The following SORCS3 variants were observed in gnomAD, a reference collection of about 807,000 sequenced individuals.
SORCS3 encodes VPS10 domain-containing receptor SorCS3.
In SORCS3, 57 loss-of-function variants were observed where a neutral mutation model predicts 146.3. That is an observed-to-expected ratio of 0.39 (90% CI 0.31 to 0.49). The LOEUF (loss-of-function observed/expected upper bound fraction) is 0.49, where lower values mean the gene tolerates loss of function less well. SORCS3 is among the 20% of genes least tolerant of loss of function. The pLI is 0.92. For synonymous variants in SORCS3, 653 were observed against 618.5 expected (o/e 1.06, Z -0.83); for missense variants, 1,341 against 1,575.5 (o/e 0.85, Z 2.52).
chr10:104,684,234 T>C (rs918257364), intron 1 of SORCS3, among the ~76,000 whole-genome samples: 5 of 152,300 alleles, frequency 3.3e-5, no homozygotes, highest in South Asian at 4.1e-4. Context: ...TACCACCTTA[T>C]AGGGTGGCTG....
intron 1 of SORCS3, among the ~76,000 whole-genome samples, chr10:104,704,470 C>T (rs1164553037): frequency 6.6e-6 from 1 of 152,146 alleles, no homozygotes; most frequent in Non-Finnish European, 1.5e-5. Flanking sequence ...AGTCACCATG[C>T]CCCAGCTGAC....
chr10:105,114,082 C>G (rs987862788), intron 7 of SORCS3, among the ~76,000 whole-genome samples: 1 of 151,872 alleles, frequency 6.6e-6, no homozygotes, highest in Admixed American at 6.6e-5. Flanking sequence ...AGATTCATAC[C>G]CTGGCTACCC....
chr10:105,158,819 C>A lies in SORCS3; in HGVS notation c.1630-73C>A. ...TTTCTGGGAGCTGAACATCGGGAAG[C>A]CCATCTCTAGTGGGGCAGGGGTACA... On this transcript the variant is annotated intron_variant, in intron 10 of 26. Coordinates refer to ENST00000369701, the MANE Select transcript of SORCS3 (RefSeq NM_014978.3). 2.6e-6 allele frequency: 3 copies of A among 1,152,680 alleles called. No homozygotes were observed. The South Asian group carries it at 3.8e-5, about 15-fold the overall frequency. 71.4% of individuals were successfully genotyped at this position (1,152,680 alleles called of 1,614,324 possible).
chr10:104,977,402 A>C lies in SORCS3; in HGVS notation c.863A>C (p.Tyr288Ser), dbSNP rs750367392. Residue 288 changes from tyrosine (Y) to serine (S), a missense_variant, in exon 4 of 27, where the codon TAT (tyrosine) becomes TCT (serine). Tyr to Ser is a moderately radical substitution (Grantham distance 144, BLOSUM62 -2). Transcript: ENST00000369701. The stretch of plus-strand genomic sequence containing the variant: ...ATCAGCTCAGACGAAGGGGCGACCT[A>C]TCAGAAGTATCGGCTCACCTTCTAT... ...ILISSDEGAT[Y>S]QKYRLTFYIQ... The C allele has an allele frequency of 6.2e-7, 1 of 1,613,870 alleles. No individual in the cohort carries two copies. The highest frequency in any genetic ancestry group is 1.1e-5 in the South Asian group (1 of 91,076).
intron 2 of SORCS3, among the ~76,000 whole-genome samples, chr10:104,897,445 A>G (rs1025633208): frequency 6.6e-6 from 1 of 152,238 alleles, no homozygotes; most frequent in African/African-American, 2.4e-5. Context: ...CACAGTATAT[A>G]CAGCCTCTAA....
chr10:104,719,098 A>G (rs990346074), intron 1 of SORCS3, among the ~76,000 whole-genome samples: 2 of 152,182 alleles, frequency 1.3e-5, no homozygotes, highest in Admixed American at 1.3e-4. Flanking sequence ...TTAATTTTAT[A>G]TATATTTTTC....
At chr10:105,043,023 G>T (rs762126253) in intron 4 of SORCS3, 32 bp from the exon 5 acceptor site, 36 of 1,605,028 alleles carry the variant, frequency 2.2e-5, no homozygotes, top group Non-Finnish European at 3.1e-5. Flanking sequence ...GTGGTTCCTT[G>T]AGACTTACAT....
intron 2 of SORCS3, among the ~76,000 whole-genome samples, chr10:104,890,976 A>G (rs1399926185): frequency 3.9e-5 from 6 of 152,188 alleles, no homozygotes; most frequent in African/African-American, 1.4e-4. Flanking sequence ...ATAATTTTTT[A>G]TCTGATACCA....
chr10:105,079,589 G>T (rs893493552), intron 5 of SORCS3, among the ~76,000 whole-genome samples: 3 of 151,994 alleles, frequency 2.0e-5, no homozygotes, highest in African/African-American at 7.2e-5. Context: ...TTTTATGTTT[G>T]GTTCAGGGGT....
chr10:104,999,937 C>A (rs764885663), intron 4 of SORCS3, among the ~76,000 whole-genome samples: 2 of 152,102 alleles, frequency 1.3e-5, no homozygotes, highest in African/African-American at 4.8e-5. Context: ...TGACTACCTG[C>A]CTTTTACTTG....
chr10:104,757,678 C>T (rs1463979002), intron 1 of SORCS3, among the ~76,000 whole-genome samples: 4 of 152,002 alleles, frequency 2.6e-5, no homozygotes, highest in Non-Finnish European at 4.4e-5. Flanking sequence ...AAATTCAGTT[C>T]GGGGGTGTGA....
chr10:104,971,226 T>C (rs1205261899), intron 3 of SORCS3, among the ~76,000 whole-genome samples: 1 of 152,244 alleles, frequency 6.6e-6, no homozygotes, highest in Non-Finnish European at 1.5e-5. Context: ...TTGATTGTTC[T>C]GGCCACGGTG....
intron 4 of SORCS3, among the ~76,000 whole-genome samples, chr10:105,006,096 C>T (rs1002146119): frequency 3.3e-5 from 5 of 152,180 alleles, no homozygotes; most frequent in African/African-American, 7.2e-5. Flanking sequence ...CACATGCCAT[C>T]ACACCCAGCT....
intron 19 of SORCS3, among the ~76,000 whole-genome samples, chr10:105,220,423 G>C (rs1478941339): frequency 6.6e-6 from 1 of 152,168 alleles, no homozygotes; most frequent in Non-Finnish European, 1.5e-5. Context: ...ATCTGACACT[G>C]TCAGCTTTCA....
At chr10:105,260,093 C>T (rs980544523) in intron 25 of SORCS3, among the ~76,000 whole-genome samples, 2 of 152,180 alleles carry the variant, frequency 1.3e-5, no homozygotes, top group South Asian at 2.1e-4. Flanking sequence ...TTCCAACCAT[C>T]GATTGCAAAA....
At chr10:105,180,797 C>T (rs1450061846) in intron 14 of SORCS3, among the ~76,000 whole-genome samples, 1 of 152,090 alleles carries the variant, frequency 6.6e-6, no homozygotes, top group African/African-American at 2.4e-5. Context: ...GCCTGCCTTC[C>T]CTACTTAAAC....
intron 1 of SORCS3, among the ~76,000 whole-genome samples, chr10:104,750,078 G>A (rs1428763268): frequency 1.3e-5 from 2 of 152,186 alleles, no homozygotes; most frequent in East Asian, 3.9e-4. Context: ...TGCAGTATCA[G>A]TTAGTGGGTA....
chr10:104,670,768 G>C (rs2015841371), intron 1 of SORCS3, among the ~76,000 whole-genome samples: 1 of 152,286 alleles, frequency 6.6e-6, no homozygotes, highest in African/African-American at 2.4e-5. Context: ...GATTGCTTTG[G>C]ATAGTATTGA....
chr10:104,989,576 G>A (rs963275077), intron 4 of SORCS3, among the ~76,000 whole-genome samples: 8 of 152,168 alleles, frequency 5.3e-5, no homozygotes, highest in Non-Finnish European at 1.2e-4. Flanking sequence ...ATGCTATCCT[G>A]TGTATTTTCA....
Sources: gnomAD v4.1 joint callset for allele counts (sites outside exome capture counted in the v4.1 genomes callset) on GRCh38, gnomAD v4.1.1 for gene constraint, MANE v1.5 for transcripts, NCBI Gene and HGNC (gene_info 2026-07-23, HGNC 2026-07-21) for gene names.